Variants in RANBP10 observed in about 807,000 individuals in gnomAD.
RANBP10 encodes ran-binding protein 10.
RANBP10 carries 24 observed loss-of-function variants against 72.8 expected under a neutral mutation model. That is an observed-to-expected ratio of 0.33 (90% confidence interval 0.24 to 0.46). The LOEUF (loss-of-function observed/expected upper bound fraction) is 0.46. Among genes scored for constraint, RANBP10 ranks in the 20% least tolerant of loss-of-function variants. The pLI is 1.00. For synonymous variants in RANBP10, 310 were observed against 322.3 expected (o/e 0.96, Z 0.41); for missense variants, 679 against 817.5 (o/e 0.83, Z 2.07).
At chr16:67,765,457 C>T (rs2143010993) in intron 3 of RANBP10, among the ~76,000 whole-genome samples, 1 of 152,026 alleles carries the variant, frequency 6.6e-6, no homozygotes, top group East Asian at 1.9e-4. Flanking sequence ...ACCCGGGAGG[C>T]GAAGGTTGCC....
intron 2 of RANBP10, among the ~76,000 whole-genome samples, chr16:67,777,435 C>T (rs1356927966): frequency 6.6e-6 from 1 of 151,932 alleles, no homozygotes; most frequent in Non-Finnish European, 1.5e-5. Context: ...ACGGGGGAGG[C>T]TGAGGCAGGA....
intron 13 of RANBP10, 54 bp from the exon 14 acceptor site, chr16:67,726,612 G>A (rs1181273249): frequency 2.0e-6 from 3 of 1,511,154 alleles, no homozygotes; most frequent in Admixed American, 4.4e-5. Context: ...TTGGGCCCAG[G>A]TCAAAGTTCC....
chr16:67,765,710 C>T (rs2143011062), intron 3 of RANBP10, among the ~76,000 whole-genome samples: 1 of 151,936 alleles, frequency 6.6e-6, no homozygotes, highest in Middle Eastern at 3.4e-3. Flanking sequence ...GTGGTGGGCG[C>T]CTGTAGTCTC....
chr16:67,743,331 T>C (rs1019065645), intron 4 of RANBP10, among the ~76,000 whole-genome samples: 1 of 152,200 alleles, frequency 6.6e-6, no homozygotes, highest in Non-Finnish European at 1.5e-5. Context: ...CTCCTCACTA[T>C]ACCATTCCAT....
chr16:67,802,866 T>C (rs907963509), intron 2 of RANBP10, among the ~76,000 whole-genome samples: 2 of 151,638 alleles, frequency 1.3e-5, no homozygotes, highest in African/African-American at 4.8e-5. Flanking sequence ...TCTCAAAAAA[T>C]ACAAAAAGAA....
At chr16:67,805,268 G>A (rs184379574) in intron 2 of RANBP10, among the ~76,000 whole-genome samples, 160 bp downstream of exon 2, 39 of 152,276 alleles carry the variant, frequency 2.6e-4, no homozygotes, top group African/African-American at 7.0e-4. Flanking sequence ...AAGATCTGCT[G>A]CTTAGACCAG....
chr16:67,727,551 G>A lies in RANBP10; in HGVS notation c.1621-113C>T, dbSNP rs1287596222. 8.3e-6 allele frequency: 11 copies of A among 1,320,370 alleles called. No individual in the cohort carries two copies. The South Asian group carries it at 1.3e-4, about 15-fold the overall frequency. 81.8% of individuals were successfully genotyped at this position (1,320,370 alleles called of 1,614,324 possible). ...CATGATGCCCAGCCTGGAATGTGGGGTGTAGGGTCGGGCAGGGCTGTACTC... is the reference window on the plus strand; with the variant it reads ...CATGATGCCCAGCCTGGAATGTGGGATGTAGGGTCGGGCAGGGCTGTACTC... On this transcript the variant is annotated intron_variant, in intron 12 of 13. Coordinates refer to ENST00000317506, the MANE Select transcript of RANBP10 (RefSeq NM_020850.3).
chr16:67,784,154 G>C (rs1222151591), intron 2 of RANBP10, among the ~76,000 whole-genome samples: 1 of 151,952 alleles, frequency 6.6e-6, no homozygotes, highest in Non-Finnish European at 1.5e-5. Flanking sequence ...AAATCCAACA[G>C]TGTATTAAAA....
At chr16:67,746,327 A>G (rs1450620216) in intron 3 of RANBP10, among the ~76,000 whole-genome samples, 2 of 132,784 alleles carry the variant, frequency 1.5e-5, no homozygotes, top group Non-Finnish European at 3.3e-5. Context: ...CAAAAATACA[A>G]AAAATTAGCC....
intron 2 of RANBP10, among the ~76,000 whole-genome samples, chr16:67,794,519 T>C (rs2055089962): frequency 6.7e-6 from 1 of 149,776 alleles, no homozygotes; most frequent in South Asian, 2.1e-4. Flanking sequence ...AAATCCAACA[T>C]ATTCTTTTTT....
intron 4 of RANBP10, among the ~76,000 whole-genome samples, chr16:67,743,579 C>T (rs2054010549): frequency 6.6e-6 from 1 of 152,202 alleles, no homozygotes; most frequent in Admixed American, 6.5e-5. Flanking sequence ...ATTGCTATTT[C>T]TCCTGGGTTT....
chr16:67,732,349 CAT>C (rs1417857335), intron 6 of RANBP10, among the ~76,000 whole-genome samples: 2 of 152,174 alleles, frequency 1.3e-5, no homozygotes, highest in African/African-American at 4.8e-5. Context: ...AACAGTGGCA[CAT>C]GTGTGTACAC....
chr16:67,743,894 C>T (rs2054016918), intron 4 of RANBP10, among the ~76,000 whole-genome samples: 1 of 152,226 alleles, frequency 6.6e-6, no homozygotes, highest in Admixed American at 6.5e-5. Flanking sequence ...ACTAGTGCCA[C>T]CCTCACTGCT....
chr16:67,731,614 C>T (rs573267042), intron 6 of RANBP10, 30 bp from the exon 7 acceptor site: 2 of 1,548,452 alleles, frequency 1.3e-6, no homozygotes, highest in Non-Finnish European at 1.8e-6. Context: ...TCAGGTGACA[C>T]TCAAGAACTG....
chr16:67,805,443 C>T lies in RANBP10; in HGVS notation c.332G>A (p.Ser111Asn). 6.2e-7 allele frequency: 1 copy of T among 1,614,002 alleles called. No homozygotes were observed. The highest frequency in any genetic ancestry group is 8.5e-7 in the Non-Finnish European group (1 of 1,179,928). ...GIYYFEVKIV[S>N]KGRDGYMGIG... ...AAGGGCTTACCCATCTCTTCCTTTG[C>T]TGACAATCTTCACTTCAAAGTAATA... The change falls in exon 2 of 14, where the codon AGC becomes AAC. Residue 111 changes from serine to asparagine, a missense_variant. Coordinates refer to ENST00000317506, the MANE Select transcript of RANBP10 (RefSeq NM_020850.3).
intron 2 of RANBP10, among the ~76,000 whole-genome samples, chr16:67,773,116 T>C (rs1410844794): frequency 6.6e-6 from 1 of 152,158 alleles, no homozygotes. Context: ...ATGCTGGAGG[T>C]GGGGCCTGGT....
intron 2 of RANBP10, among the ~76,000 whole-genome samples, chr16:67,789,918 G>A (rs942558535): frequency 1.3e-5 from 2 of 151,732 alleles, no homozygotes; most frequent in Admixed American, 6.6e-5. Flanking sequence ...CCAACATGGC[G>A]AAATCCCATC....
At chr16:67,754,637 C>T (rs2054255862) in intron 3 of RANBP10, among the ~76,000 whole-genome samples, 1 of 152,208 alleles carries the variant, frequency 6.6e-6, no homozygotes, top group Non-Finnish European at 1.5e-5. Flanking sequence ...TTAGCCCCGG[C>T]CCCATATTTT....
rs773172427 is a variant in RANBP10 at position 67,726,434 on chromosome 16, C to T, written c.1857G>A (p.Leu619=). ...SCSFARVDDY[L]H is the part of the protein sequence containing the mutation. ...AGCCAGCCAGCACAGTCAGCTAGTG[C>T]AAGTAGTCATCAACTCTGGCAAAGG... Residue 619 remains leucine, a synonymous_variant, in exon 14 of 14, where the codon TTG becomes TTA. Coordinates refer to ENST00000317506, the MANE Select transcript of RANBP10 (RefSeq NM_020850.3). 2.8e-5 allele frequency: 45 copies of T among 1,612,494 alleles called. No homozygotes were observed. Among genetic ancestry groups the T allele is most frequent in the African/African-American group, 8.0e-5 (6 of 74,914 alleles).
Sources: gnomAD v4.1 joint callset for allele counts (sites outside exome capture counted in the v4.1 genomes callset) on GRCh38, gnomAD v4.1.1 for gene constraint, MANE v1.5 for transcripts, NCBI Gene and HGNC (gene_info 2026-07-23, HGNC 2026-07-21) for gene names.